CDC42BPG: variants seen among roughly 807,000 people sequenced by gnomAD.
CDC42BPG encodes serine/threonine-protein kinase MRCK gamma.
Under a neutral mutation model 192.2 loss-of-function variants are expected in CDC42BPG, and 157 were observed. That is an observed-to-expected ratio of 0.82 (90% confidence interval 0.72 to 0.93). The LOEUF (loss-of-function observed/expected upper bound fraction) is 0.93, where lower values mean the gene tolerates loss of function less well. Ranked by LOEUF, CDC42BPG falls within the 40% of genes least tolerant of loss-of-function variation. The pLI is 0.00. For synonymous variants in CDC42BPG, 981 were observed against 918.5 expected, an observed-to-expected ratio of 1.07 and a Z score of -1.23; for missense variants, 1,992 against 2,122.1, an observed-to-expected ratio of 0.94 and a Z score of 1.20.
chr11:64,839,665 A>C, intron 5 of CDC42BPG, 94 bp from the exon 6 acceptor site: 3 of 983,362 alleles, frequency 3.1e-6, no homozygotes, highest in Non-Finnish European at 4.6e-6. Context: ...GGTGTGTGCC[A>C]GCACCAGCTC....
rs769312781 is a variant in CDC42BPG at position 64,827,075 on chromosome 11, CGCCCGTTGGCAGGGCCCA to C, written c.4346_4363del (p.Val1449_Arg1455delinsGly). The stretch of plus-strand genomic sequence containing the variant: ...CGGGGACTTGTCCCTGGCGCCGGGC[CGCCCGTTGGCAGGGCCCA>C]CGTGTACTAGGTGGTTGAAGTTGGT... On this transcript the variant is annotated inframe_deletion, in exon 34 of 37. Transcript: ENST00000342711. 2.6e-5 allele frequency: 42 copies of C among 1,613,022 alleles called. No homozygotes were observed. The highest frequency in any genetic ancestry group is 3.6e-5 in the Non-Finnish European group (42 of 1,179,176).
Position 64,836,314 on chromosome 11 carries a change from G to A in CDC42BPG, c.1489-18C>T, listed in dbSNP as rs1463104002. On this transcript the variant is annotated intron_variant, in intron 12 of 36. Coordinates refer to ENST00000342711, the MANE Select transcript of CDC42BPG (RefSeq NM_017525.3). ...GCCAGCTCCTGAGGAGGCAGGGGAG[G>A]GAGCGGGGAAGGACAAGGCCCAGAG... 4.9e-5 allele frequency: 78 copies of A among 1,608,198 alleles called. No homozygotes were observed. The highest frequency in any genetic ancestry group is 6.6e-5 in the Non-Finnish European group (78 of 1,177,970).
chr11:64,831,231 G>A (rs72929021), intron 28 of CDC42BPG, among the ~76,000 whole-genome samples: 33 of 146,894 alleles, frequency 2.2e-4, no homozygotes, highest in South Asian at 4.3e-4. Context: ...AAAAGAAAAA[G>A]AAAAAAAAAA....
Position 64,839,695 on chromosome 11 carries a change from G to A in CDC42BPG, c.582-124C>T. 4.1e-6 allele frequency: 3 copies of A among 736,908 alleles called. No individual in the cohort carries two copies. In the South Asian group the frequency reaches 5.3e-5, roughly 13 times the overall value. 45.6% of individuals were successfully genotyped at this position (736,908 alleles called of 1,614,324 possible). On this transcript the variant is annotated intron_variant, in intron 5 of 36. Coordinates refer to ENST00000342711, the MANE Select transcript of CDC42BPG (RefSeq NM_017525.3). ...CAGCTCACACACATTCCTGTGTGTA[G>A]GTGCTCATGTGATGAGCAACGTGTG... is the stretch of plus-strand genomic sequence containing the variant.
chr11:64,842,040 G>T lies in CDC42BPG; in HGVS notation c.161-136C>A, dbSNP rs886316735. On this transcript the variant is annotated intron_variant, in intron 1 of 36. Transcript: ENST00000342711. ...CTCCCCAGGGACAGCCTCGGGCCAA[G>T]GGGTTGTGGCAGGAACTGGTGCTCC... is the stretch of plus-strand genomic sequence containing the variant. 18 of 688,858 alleles carry T rather than the reference G, an allele frequency of 2.6e-5. No homozygotes were observed. The Admixed American group carries it at 3.4e-4, about 13-fold the overall frequency. 42.7% of individuals were successfully genotyped at this position (688,858 alleles called of 1,614,324 possible). A position where few individuals can be genotyped will look rare whatever the true frequency, so the allele number is the denominator to read the frequency against.
rs1363709911 is a variant in CDC42BPG, at chr11:64,836,240, G to A, written c.1545C>T (p.Ala515=). The change falls in exon 13 of 37, where the codon GCC becomes GCT. Residue 515 remains alanine (A), a synonymous_variant. Transcript: ENST00000342711. ...GAAGCAGCTCCTCCTGCTGCCCCTG[G>A]GCCCTGCAGAGCTCCTGCTCCTGAG... The part of the protein sequence containing the change: ...LQAQEQELCR[A]QGQQEELLQR... 1.2e-6 allele frequency: 2 copies of A among 1,600,960 alleles called. No individual in the cohort carries two copies. The highest frequency in any genetic ancestry group is 1.7e-5 in the Admixed American group (1 of 58,276).
intron 27 of CDC42BPG, among the ~76,000 whole-genome samples, chr11:64,832,130 G>C (rs932782233): frequency 6.6e-6 from 1 of 152,236 alleles, no homozygotes; most frequent in Admixed American, 6.5e-5. Context: ...CTTCAGAACT[G>C]GAGAGAGCAA....
At position 64,838,127 on chromosome 11, in the gene CDC42BPG, G is replaced by A. The variant is rs767886660; in HGVS notation, c.1161C>T (p.Ser387=). The change falls in exon 9 of 37, where the codon TCC becomes TCT. Residue 387 remains serine, a synonymous_variant. Transcript: ENST00000342711. ...TLPPPSHGAF[S]GHHLPFVGFT... Reference sequence around the variant, plus strand: ...AGCCCACGAATGGCAGGTGATGGCCGGAGAAGGCCCCGTGGGAGGGCGGTG... The same window carrying A: ...AGCCCACGAATGGCAGGTGATGGCCAGAGAAGGCCCCGTGGGAGGGCGGTG... 5.3e-5 allele frequency: 83 copies of A among 1,553,690 alleles called. No individual in the cohort carries two copies. The highest frequency in any genetic ancestry group is 1.9e-4 in the Middle Eastern group (1 of 5,260).
In CDC42BPG at chr11:64,832,690, CAG is replaced by C. The variant is rs1406502304; in HGVS notation, c.2917_2918del (p.Leu973GlufsTer2). On this transcript the variant is annotated frameshift_variant, in exon 26 of 37. Transcript: ENST00000342711. LOFTEE classifies it high-confidence loss of function. ...RRGWQRVFAA[L>X]SDSRLLLFDA... ...CAAACAGCAGCAGGCGTGAGTCACT[CAG>C]GGCAGCAAACACGCGCTGCCAGCCC... 7 of 1,613,262 alleles carry C rather than the reference CAG, an allele frequency of 4.3e-6. No individual in the cohort carries two copies. Among genetic ancestry groups the C allele is most frequent in the Middle Eastern group, 1.6e-4 (1 of 6,080 alleles).
In CDC42BPG at chr11:64,839,328, G is replaced by A; in HGVS notation, c.676-95C>T. The A allele has an allele frequency of 3.2e-6, 5 of 1,543,104 alleles. 1 individual carries two copies. The South Asian group carries it at 4.5e-5, about 14-fold the overall frequency. On this transcript the variant is annotated intron_variant, in intron 6 of 36. Transcript: ENST00000342711. ...GGCCCTGTCACCCCTACTCTGCCAG[G>A]CTGGCCTGCTGCTGCCCACCTGGGG...
At position 64,827,167 on chromosome 11, in the gene CDC42BPG, C is replaced by T; in HGVS notation, c.4272G>A (p.Arg1424=). Reference sequence around the variant, plus strand: ...GCACAAAAGGGTCCTTCAGCATCTCCCTGTGGGCGGAGGTGTAAGTAGTGG... The same window carrying T: ...GCACAAAAGGGTCCTTCAGCATCTCTCTGTGGGCGGAGGTGTAAGTAGTGG... ...VSEEQQKQQR[R]EMLKDPFVRS... The change falls in exon 34 of 37, where the codon AGG becomes AGA. Residue 1424 remains arginine (R), a splice_region_variant and synonymous_variant. Coordinates refer to ENST00000342711, the MANE Select transcript of CDC42BPG (RefSeq NM_017525.3). 6.2e-7 allele frequency: 1 copy of T among 1,614,004 alleles called. No individual in the cohort carries two copies. The highest frequency in any genetic ancestry group is 8.5e-7 in the Non-Finnish European group (1 of 1,179,878).
chr11:64,828,178 A>G (rs1942522355), intron 30 of CDC42BPG, among the ~76,000 whole-genome samples: 1 of 151,962 alleles, frequency 6.6e-6, no homozygotes, highest in Non-Finnish European at 1.5e-5. Context: ...TGCAGGCCCC[A>G]CCCCAAAGAG....
rs992341648 is a variant in CDC42BPG, at chr11:64,832,357, G to A, written c.3087+71C>T. ...CCCAAGAGGGCAGTATGAAGTGGGG[G>A]GACAGTGGCCAGAGCTGGGACAGCA... is the stretch of plus-strand genomic sequence containing the variant. On this transcript the variant is annotated intron_variant, in intron 27 of 36. Transcript: ENST00000342711. 12 of 1,476,502 alleles carry A rather than the reference G, an allele frequency of 8.1e-6. No homozygotes were observed. In the Admixed American group the frequency reaches 1.5e-4, roughly 18 times the overall value. The allele number at this position is 1,476,502 out of a possible 1,614,324, so 91.5% of individuals were successfully genotyped here.
Position 64,841,802 on chromosome 11 carries a change from C to T in CDC42BPG, c.252+11G>A, listed in dbSNP as rs1367449814. The T allele has an allele frequency of 6.2e-7, 1 of 1,613,820 alleles. No homozygotes were observed. Among genetic ancestry groups the T allele is most frequent in the Admixed American group, 1.7e-5 (1 of 60,032 alleles). On this transcript the variant is annotated intron_variant, in intron 2 of 36. Coordinates refer to ENST00000342711, the MANE Select transcript of CDC42BPG (RefSeq NM_017525.3). ...ACACCTCCCCCCACCTACCCCAGGC[C>T]CTTTGCTCACCTCCCCAAAGGCTCC...
rs772987595 is a variant in CDC42BPG, at chr11:64,826,765, G to T, written c.4419C>A (p.Arg1473=). 1.3e-6 allele frequency: 2 copies of T among 1,527,632 alleles called. No homozygotes were observed. The highest frequency in any genetic ancestry group is 1.8e-6 in the Non-Finnish European group (2 of 1,138,630). 94.6% of individuals were successfully genotyped at this position (1,527,632 alleles called of 1,614,324 possible). A position where few individuals can be genotyped will look rare whatever the true frequency, so the allele number is the denominator to read the frequency against. ...PAPEEKGRVA[R]GSGPQRPHSF... ...TGTGGGGCCGCTGTGGGCCGGAGCCGCGGGCAACTCGGCCCTTCTCTTCGG... is the reference window on the plus strand; with the variant it reads ...TGTGGGGCCGCTGTGGGCCGGAGCCTCGGGCAACTCGGCCCTTCTCTTCGG... Residue 1473 remains arginine (R), a synonymous_variant, in exon 35 of 37, where the codon CGC becomes CGA. Transcript: ENST00000342711.
At position 64,839,212 on chromosome 11, in the gene CDC42BPG, C is replaced by T; in HGVS notation, c.697G>A (p.Gly233Arg). The T allele has an allele frequency of 6.2e-7, 1 of 1,613,224 alleles. No individual in the cohort carries two copies. The highest frequency in any genetic ancestry group is 1.1e-5 in the South Asian group (1 of 91,084). ...TCAGGGGAGATATAGTCCGGCGTCCCTACTGCCACTGATGAATCCACCTGT... is the reference window on the plus strand; with the variant it reads ...TCAGGGGAGATATAGTCCGGCGTCCTTACTGCCACTGATGAATCCACCTGT... Reference protein sequence around the residue: ...NGMVDSSVAVGTPDYISPEIL... With the variant: ...NGMVDSSVAVRTPDYISPEIL... The change falls in exon 7 of 37, where the codon GGG (glycine) becomes AGG (arginine). Residue 233 changes from glycine to arginine, a missense_variant. By Grantham distance (125) the Gly-to-Arg change is moderately radical. Transcript: ENST00000342711.
Position 64,835,107 on chromosome 11 carries a change from T to G in CDC42BPG, c.2000A>C (p.Glu667Ala). 7.0e-7 allele frequency: 1 copy of G among 1,437,458 alleles called. No homozygotes were observed. Among genetic ancestry groups the G allele is most frequent in the East Asian group, 3.3e-5 (1 of 30,328 alleles). The allele number at this position is 1,437,458 out of a possible 1,614,324, so 89.0% of individuals were successfully genotyped here. A position where few individuals can be genotyped will look rare whatever the true frequency, so the allele number is the denominator to read the frequency against. Reference protein sequence around the residue: ...AQEQESKQRLEGERRETESNW... With the variant: ...AQEQESKQRLAGERRETESNW... The stretch of plus-strand genomic sequence containing the variant: ...GCTCTCCGTCTCCCGCCGCTCACCC[T>G]CCAGCCGCTGCTTGCTCTCCTGCTC... Residue 667 changes from glutamate to alanine, a missense_variant, in exon 17 of 37, where the codon GAG becomes GCG. Glu to Ala is a moderately radical substitution (Grantham distance 107, BLOSUM62 -1). Transcript: ENST00000342711.
chr11:64,841,976 C>A, intron 1 of CDC42BPG, 72 bp from the exon 2 acceptor site: 1 of 1,227,826 alleles, frequency 8.1e-7, no homozygotes, highest in Non-Finnish European at 1.2e-6. Context: ...CTTGGGCAAG[C>A]CAGGAGCTGC....
intron 28 of CDC42BPG, among the ~76,000 whole-genome samples, chr11:64,830,972 C>A (rs1942657042): frequency 6.6e-6 from 1 of 152,338 alleles, no homozygotes; most frequent in Middle Eastern, 3.4e-3. Context: ...AATTCCAGCA[C>A]TTTGGGAGGC....
Sources: allele counts gnomAD v4.1 joint callset (sites outside exome capture counted in the v4.1 genomes callset), GRCh38; gene constraint gnomAD v4.1.1; transcripts MANE v1.5; gene names NCBI Gene and HGNC (gene_info 2026-07-23, HGNC 2026-07-21).